Variants in RYR2 observed in about 807,000 individuals in gnomAD.
The protein encoded by RYR2 is cardiac muscle ryanodine receptor-calcium release channel.
In RYR2, 227 loss-of-function variants were observed where a neutral mutation model predicts 601.1. That is an observed-to-expected ratio of 0.38 (90% CI 0.34 to 0.42). The LOEUF (loss-of-function observed/expected upper bound fraction) is 0.42, where lower values mean the gene tolerates loss of function less well. Among genes scored for constraint, RYR2 ranks in the 10% least tolerant of loss-of-function variants. The pLI is 1.00. For missense variants in RYR2, 4,646 were observed against 6,156.5 expected (o/e 0.75, Z 8.21); for synonymous variants, 2,223 against 2,175.1 (o/e 1.02, Z -0.61).
intron 1 of RYR2, among the ~76,000 whole-genome samples, chr1:237,084,773 T>C (rs1246689608): frequency 6.6e-6 from 1 of 152,244 alleles, no homozygotes; most frequent in Admixed American, 6.5e-5. Flanking sequence ...AAAAGGAGAA[T>C]TAAATTAAAA....
chr1:237,807,378 T>G (rs954096488), intron 99 of RYR2, among the ~76,000 whole-genome samples: 1 of 152,138 alleles, frequency 6.6e-6, no homozygotes, highest in Admixed American at 6.5e-5. Flanking sequence ...TAAGACAGAG[T>G]CTTGCTCTGT....
intron 47 of RYR2, among the ~76,000 whole-genome samples, chr1:237,641,471 GTCTTTCTTTCTTTCTTTCTTTCTTTCTT>G (rs796832994): frequency 1.8e-5 from 2 of 108,708 alleles, no homozygotes; most frequent in East Asian, 2.2e-4. Flanking sequence ...GTGTCTGTCT[GTCTTTCTTTCTTTCTTTCTTTCTTTCTT>G]TCTTTCTTTC....
rs151206821 is a variant in RYR2, at chr1:237,197,953, A to G, written c.49-72544A>G. 1.5e-3 allele frequency among the ~76,000 whole-genome samples: 228 copies of G among 152,332 alleles called. 1 individual carries two copies. The highest frequency in any genetic ancestry group is 5.3e-3 in the African/African-American group (221 of 41,586). On this transcript the variant is annotated intron_variant, in intron 1 of 104. Coordinates refer to ENST00000366574, the MANE Select transcript of RYR2 (RefSeq NM_001035.3). ...TTTGAAAAAGCAGCTGATTTGGTCA[A>G]TCATAGGTTGGCAGGATGTGCTGCT... is the stretch of plus-strand genomic sequence containing the variant.
intron 23 of RYR2, 67 bp from the exon 24 acceptor site, chr1:237,511,621 A>C: frequency 8.1e-7 from 1 of 1,236,264 alleles, no homozygotes; most frequent in Non-Finnish European, 1.2e-6. Flanking sequence ...TCTACCACAC[A>C]GTTGAATTCC....
At position 237,244,431 on chromosome 1, in the gene RYR2, C is replaced by G. The variant is rs1686562250; in HGVS notation, c.49-26066C>G. The stretch of plus-strand genomic sequence containing the variant: ...ATGGCGGCTCCATCTGCCCTTCTCT[C>G]TATCAGTCACGTGTAGAGTAAGGAG... On this transcript the variant is annotated intron_variant, in intron 1 of 104. Transcript: ENST00000366574. Among the ~76,000 whole-genome samples, 4 of 152,196 alleles carry G rather than the reference C, an allele frequency of 2.6e-5. No individual in the cohort carries two copies. In the South Asian group the frequency reaches 8.3e-4, roughly 32 times the overall value.
intron 16 of RYR2, among the ~76,000 whole-genome samples, chr1:237,461,056 T>G (rs963649487): frequency 6.6e-6 from 1 of 152,342 alleles, no homozygotes; most frequent in African/African-American, 2.4e-5. Context: ...TAGCAAAGAA[T>G]GTTATGGATT....
At chr1:237,594,089 T>A (rs1483112448) in intron 33 of RYR2, among the ~76,000 whole-genome samples, 1 of 152,216 alleles carries the variant, frequency 6.6e-6, no homozygotes, top group Non-Finnish European at 1.5e-5. Flanking sequence ...AGAAGTGGGT[T>A]CTTTCCTCAG....
chr1:237,314,869 C>T (rs1473072330), intron 2 of RYR2, among the ~76,000 whole-genome samples: 2 of 152,080 alleles, frequency 1.3e-5, no homozygotes, highest in Admixed American at 6.6e-5. Flanking sequence ...CCACTATTGC[C>T]ATAAATTGTG....
chr1:237,248,374 A>C (rs1037406175), intron 1 of RYR2, among the ~76,000 whole-genome samples: 1 of 145,998 alleles, frequency 6.8e-6, no homozygotes, highest in Non-Finnish European at 1.5e-5. Context: ...GTTGTGCATT[A>C]GTTGCTATTT....
Position 237,772,067 on chromosome 1 carries a change from T to C in RYR2, c.11613T>C (p.Ile3871=), listed in dbSNP as rs375364162. 4 of 1,550,898 alleles carry C rather than the reference T, an allele frequency of 2.6e-6. No individual in the cohort carries two copies. The African/African-American group carries it at 5.4e-5, about 21-fold the overall frequency. Residue 3871 remains isoleucine, a synonymous_variant, in exon 86 of 105, where the codon ATT becomes ATC. Coordinates refer to ENST00000366574, the MANE Select transcript of RYR2 (RefSeq NM_001035.3). ...QTGNNTTVNI[I]ISTVDYLLRV... ...GCAATAATACAACTGTCAACATAAT[T>C]ATCTCCACTGTAGACTACCTACTGA... is the stretch of plus-strand genomic sequence containing the variant.
intron 30 of RYR2, among the ~76,000 whole-genome samples, 153 bp downstream of exon 30, chr1:237,590,154 C>T (rs1674991416): frequency 6.6e-6 from 1 of 151,854 alleles, no homozygotes; most frequent in Non-Finnish European, 1.5e-5. Flanking sequence ...AAAGATGGTA[C>T]TTTCTACCAG....
chr1:237,393,391 A>G (rs1243901423), intron 10 of RYR2, among the ~76,000 whole-genome samples: 1 of 152,176 alleles, frequency 6.6e-6, no homozygotes, highest in African/African-American at 2.4e-5. Flanking sequence ...TTTAGTTGTA[A>G]ATAATTGATA....
At position 237,514,916 on chromosome 1, in the gene RYR2, A is replaced by G. The variant is rs77001340; in HGVS notation, c.2822+3125A>G. 3.3e-3 allele frequency among the ~76,000 whole-genome samples: 507 copies of G among 152,308 alleles called. 4 individuals carry two copies. The highest frequency in any genetic ancestry group is 0.012 in the African/African-American group (479 of 41,562). On this transcript the variant is annotated intron_variant, in intron 24 of 104. Coordinates refer to ENST00000366574, the MANE Select transcript of RYR2 (RefSeq NM_001035.3). ...TTTTTGTTTGTTTAATAAATATATC[A>G]TGGGAGGGATGAACAGCTTCATTTG... is the stretch of plus-strand genomic sequence containing the variant.
At chr1:237,653,682 G>A (rs541688442) in intron 51 of RYR2, among the ~76,000 whole-genome samples, 1 of 152,252 alleles carries the variant, frequency 6.6e-6, no homozygotes, top group African/African-American at 2.4e-5. Context: ...ACAATAGGCC[G>A]TCTGCAAGCT....
intron 24 of RYR2, among the ~76,000 whole-genome samples, chr1:237,519,518 A>G (rs1035407253): frequency 8.5e-5 from 13 of 152,082 alleles, no homozygotes; most frequent in Non-Finnish European, 1.9e-4. Context: ...TTTCCCAGCA[A>G]CATGTATTGA....
intron 13 of RYR2, among the ~76,000 whole-genome samples, chr1:237,441,813 A>C (rs192884501): frequency 2.4e-4 from 36 of 152,246 alleles, no homozygotes; most frequent in African/African-American, 7.9e-4. Context: ...CCTTGCTTAC[A>C]GGAAGAGGCC....
chr1:237,778,208 AT>A (rs893407473), intron 87 of RYR2, among the ~76,000 whole-genome samples: 5 of 151,988 alleles, frequency 3.3e-5, no homozygotes, highest in African/African-American at 1.2e-4. Context: ...GTTGAAGAGG[AT>A]TTTTTTTCTC....
At chr1:237,342,749 A>C (rs901938344) in intron 3 of RYR2, among the ~76,000 whole-genome samples, 2 of 152,176 alleles carry the variant, frequency 1.3e-5, no homozygotes, top group Admixed American at 6.5e-5. Flanking sequence ...TGGAACCAGA[A>C]ACCTTAGAAC....
Position 237,602,478 on chromosome 1 carries a change from A to C in RYR2, c.4683+367A>C, listed in dbSNP as rs142671661. Among the ~76,000 whole-genome samples, 8 of 152,302 alleles carry C rather than the reference A, an allele frequency of 5.3e-5. No homozygotes were observed. The East Asian group carries it at 1.5e-3, about 29-fold the overall frequency. On this transcript the variant is annotated intron_variant, in intron 35 of 104. Coordinates refer to ENST00000366574, the MANE Select transcript of RYR2 (RefSeq NM_001035.3). ...TGGAATACTCCAGTAACATAAATGA[A>C]AGAACAACTCAGTTGGATGGGTTGG...
Sources: gnomAD v4.1 joint callset for allele counts (sites outside exome capture counted in the v4.1 genomes callset) on GRCh38, gnomAD v4.1.1 for gene constraint, MANE v1.5 for transcripts, NCBI Gene and HGNC (gene_info 2026-07-23, HGNC 2026-07-21) for gene names.